The following HEATR5B variants were observed in gnomAD, a reference collection of about 807,000 sequenced individuals.
HEATR5B encodes the protein HEAT repeat-containing protein 5B.
Under a neutral mutation model 224.1 loss-of-function variants are expected in HEATR5B, and 156 were observed. The ratio of observed to expected loss-of-function variants is 0.70; its 90% CI spans 0.61 to 0.80. The LOEUF (loss-of-function observed/expected upper bound fraction) is 0.80, where lower values mean the gene tolerates loss of function less well. HEATR5B is among the 30% of genes least tolerant of loss of function. HEATR5B has a pLI of 0.00. For synonymous variants in HEATR5B, 1,027 were observed against 893.0 expected (o/e 1.15, Z -2.68); for missense variants, 2,323 against 2,535.5 (o/e 0.92, Z 1.80).
chr2:36,999,742 G>A (rs1403496423), intron 33 of HEATR5B, among the ~76,000 whole-genome samples: 1 of 151,704 alleles, frequency 6.6e-6, no homozygotes, highest in Non-Finnish European at 1.5e-5. Context: ...GCCGGGTGCG[G>A]TAGCTCACGT....
At chr2:37,045,795 T>C (rs769618005) in intron 18 of HEATR5B, among the ~76,000 whole-genome samples, 1 of 152,242 alleles carries the variant, frequency 6.6e-6, no homozygotes, top group East Asian at 1.9e-4. Context: ...GCCTGGAAAC[T>C]TTCTTCAAGC....
chr2:37,037,846 T>C lies in HEATR5B; in HGVS notation c.3216+9A>G, dbSNP rs1052621422. 1 of 1,509,752 alleles carries C rather than the reference T, an allele frequency of 6.6e-7. No homozygotes were observed. The highest frequency in any genetic ancestry group is 1.4e-5 in the African/African-American group (1 of 71,532). 93.5% of individuals were successfully genotyped at this position (1,509,752 alleles called of 1,614,324 possible). ...TAAAAATCAATGAATGAAATAGCTC[T>C]ATACTTACACAAAGGCTAGGAACAA... On this transcript the variant is annotated intron_variant, in intron 21 of 35. Coordinates refer to ENST00000233099, the MANE Select transcript of HEATR5B (RefSeq NM_019024.3).
chr2:37,044,598 A>C (rs189846791), intron 18 of HEATR5B, among the ~76,000 whole-genome samples: 2 of 152,332 alleles, frequency 1.3e-5, no homozygotes, highest in African/African-American at 4.8e-5. Flanking sequence ...ATGCACATAC[A>C]TTTTCATTTC....
At chr2:37,072,352 A>G in intron 5 of HEATR5B, 71 bp from the exon 6 acceptor site, 1 of 1,103,876 alleles carries the variant, frequency 9.1e-7, no homozygotes, top group Non-Finnish European at 1.3e-6. Flanking sequence ...AGCAAGAACC[A>G]GACTTACCAC....
At chr2:37,033,248 A>G (rs532323802) in intron 21 of HEATR5B, among the ~76,000 whole-genome samples, 1 of 152,332 alleles carries the variant, frequency 6.6e-6, no homozygotes, top group Non-Finnish European at 1.5e-5. Flanking sequence ...TGTTTAAAAT[A>G]CAGTCAAATG....
intron 14 of HEATR5B, among the ~76,000 whole-genome samples, chr2:37,057,846 G>A (rs751263441): frequency 6.6e-6 from 1 of 151,982 alleles, no homozygotes; most frequent in Non-Finnish European, 1.5e-5. Context: ...CTGTCTGAAA[G>A]ACACACACAA....
chr2:37,064,080 C>T (rs1010518835), intron 10 of HEATR5B, among the ~76,000 whole-genome samples: 2 of 152,124 alleles, frequency 1.3e-5, no homozygotes, highest in African/African-American at 4.8e-5. Flanking sequence ...TCTCAAAGTG[C>T]TGGGATTACA....
intron 12 of HEATR5B, among the ~76,000 whole-genome samples, chr2:37,060,215 T>A (rs960001401): frequency 1.3e-5 from 2 of 152,208 alleles, no homozygotes; most frequent in Admixed American, 1.3e-4. Flanking sequence ...CAAATGCCAA[T>A]AACTTTGGTA....
Position 37,079,191 on chromosome 2 carries a change from A to C in HEATR5B, c.267T>G (p.Phe89Leu), listed in dbSNP as rs781720584. The C allele has an allele frequency of 2.5e-6, 4 of 1,610,424 alleles. No homozygotes were observed. Among genetic ancestry groups the C allele is most frequent in the African/African-American group, 1.3e-5 (1 of 75,008 alleles). The change falls in exon 3 of 36, where the codon TTT becomes TTG. Residue 89 changes from phenylalanine (F) to leucine (L), a missense_variant. Transcript: ENST00000233099. The part of the protein sequence containing the change: ...LYSIGDTFTV[F>L]QTLDKCNDII... The stretch of plus-strand genomic sequence containing the variant: ...TGTCATTGCATTTATCAAGTGTCTG[A>C]AAAACTGTGAAAGTATCCCCAATGC...
intron 10 of HEATR5B, among the ~76,000 whole-genome samples, chr2:37,064,520 T>A (rs1386352672): frequency 6.6e-6 from 1 of 152,108 alleles, no homozygotes; most frequent in Non-Finnish European, 1.5e-5. Context: ...AAATAAATTA[T>A]AACATGTTAC....
chr2:37,025,566 T>C (rs7595362), intron 24 of HEATR5B, among the ~76,000 whole-genome samples: 31,142 of 147,000 alleles, frequency 0.21, 3,463 homozygotes, highest in African/African-American at 0.27. Flanking sequence ...TATGATACAA[T>C]GGAGGTGGGA....
intron 34 of HEATR5B, among the ~76,000 whole-genome samples, chr2:36,990,310 C>CA (rs1384629902): frequency 1.3e-5 from 2 of 152,224 alleles, no homozygotes; most frequent in African/African-American, 4.8e-5. Context: ...TAGTTTCTAG[C>CA]AGGTTCATTA....
At position 37,043,905 on chromosome 2, in the gene HEATR5B, C is replaced by A. The variant is rs117982650; in HGVS notation, c.2697-2613G>T. 3.9e-3 allele frequency among the ~76,000 whole-genome samples: 596 copies of A among 152,206 alleles called. 16 individuals carry two copies. The highest frequency in any genetic ancestry group is 0.029 in the Admixed American group (442 of 15,280). On this transcript the variant is annotated intron_variant, in intron 18 of 35. Transcript: ENST00000233099. ...CACACTCCAGAAGACAAAAAGGAAA[C>A]AGGTGAAATTATTTTTTTTAAATAG...
At chr2:37,082,564 C>T (rs966142112) in intron 2 of HEATR5B, among the ~76,000 whole-genome samples, 4 of 152,188 alleles carry the variant, frequency 2.6e-5, no homozygotes, top group African/African-American at 7.2e-5. Flanking sequence ...CGCTTAAAGG[C>T]GCTCTTAAAC....
At chr2:37,006,340 T>A (rs1201738400) in intron 29 of HEATR5B, among the ~76,000 whole-genome samples, 2 of 152,142 alleles carry the variant, frequency 1.3e-5, no homozygotes, top group Admixed American at 1.3e-4. Flanking sequence ...ATGTATAAAT[T>A]CTTAAATGTT....
intron 27 of HEATR5B, among the ~76,000 whole-genome samples, chr2:37,010,702 C>T (rs1351684184): frequency 6.6e-6 from 1 of 151,896 alleles, no homozygotes; most frequent in Admixed American, 6.6e-5. Flanking sequence ...TTAGTAGAGA[C>T]AGGGTTTCTC....
At chr2:37,010,759 C>T (rs970506992) in intron 27 of HEATR5B, among the ~76,000 whole-genome samples, 16 of 152,120 alleles carry the variant, frequency 1.1e-4, no homozygotes, top group African/African-American at 3.1e-4. Flanking sequence ...GGTGATCCAT[C>T]CTTCTCAGCC....
At chr2:37,052,778 G>C in intron 17 of HEATR5B, among the ~76,000 whole-genome samples, 1 of 152,208 alleles carries the variant, frequency 6.6e-6, no homozygotes, top group East Asian at 1.9e-4. Flanking sequence ...CAGACAGGTA[G>C]GGTAGAAAGT....
intron 22 of HEATR5B, among the ~76,000 whole-genome samples, chr2:37,029,917 G>A (rs1489081924): frequency 6.9e-6 from 1 of 144,066 alleles, no homozygotes; most frequent in Non-Finnish European, 1.5e-5. Context: ...CCAGCTGGGT[G>A]ATAGAGACTC....
Sources: gnomAD v4.1 joint callset for allele counts (sites outside exome capture counted in the v4.1 genomes callset) on GRCh38, gnomAD v4.1.1 for gene constraint, MANE v1.5 for transcripts, NCBI Gene and HGNC (gene_info 2026-07-23, HGNC 2026-07-21) for gene names.